Variants in RGS7BP observed in about 807,000 individuals in gnomAD.
RGS7BP encodes the protein regulator of G protein signaling 7-binding protein.
RGS7BP carries 9 observed loss-of-function variants against 31.3 expected under a neutral mutation model. The ratio of observed to expected loss-of-function variants is 0.29; its 90% CI spans 0.17 to 0.50. The LOEUF is 0.50. RGS7BP is among the 20% of genes least tolerant of loss of function. The pLI is 0.98. For missense variants in RGS7BP, 274 were observed against 322.0 expected (o/e 0.85, Z 1.14); for synonymous variants, 115 against 120.1 (o/e 0.96, Z 0.28).
intron 2 of RGS7BP, among the ~76,000 whole-genome samples, chr5:64,549,900 C>T (rs987971289): frequency 2.6e-5 from 4 of 152,194 alleles, no homozygotes; most frequent in African/African-American, 9.7e-5. Context: ...CAAGTCACTC[C>T]TTCAACACTT....
chr5:64,540,010 G>A (rs2111807393), intron 2 of RGS7BP, among the ~76,000 whole-genome samples: 1 of 152,120 alleles, frequency 6.6e-6, no homozygotes, highest in South Asian at 2.1e-4. Flanking sequence ...TAGTTTTAAT[G>A]AAGATTCTTT....
chr5:64,519,392 G>C (rs892528457), intron 2 of RGS7BP, among the ~76,000 whole-genome samples: 2 of 152,202 alleles, frequency 1.3e-5, no homozygotes, highest in Non-Finnish European at 2.9e-5. Flanking sequence ...TCTGTATAAA[G>C]ATAGACATTA....
intron 2 of RGS7BP, among the ~76,000 whole-genome samples, chr5:64,569,618 C>A (rs1164212392): frequency 6.6e-6 from 1 of 152,138 alleles, no homozygotes; most frequent in African/African-American, 2.4e-5. Flanking sequence ...CTGCCCCCAA[C>A]TATCCAATGA....
intron 2 of RGS7BP, among the ~76,000 whole-genome samples, chr5:64,515,638 C>T (rs932970969): frequency 7.9e-5 from 12 of 151,806 alleles, no homozygotes; most frequent in East Asian, 5.8e-4. Flanking sequence ...TGTTTATTTC[C>T]TTTGCTTTAC....
intron 2 of RGS7BP, among the ~76,000 whole-genome samples, chr5:64,508,698 A>C (rs1254150327): frequency 1.3e-5 from 2 of 152,184 alleles, no homozygotes; most frequent in Non-Finnish European, 2.9e-5. Flanking sequence ...TCAATACATT[A>C]ATTTAAGTGC....
At chr5:64,572,975 C>T (rs1207354975) in intron 2 of RGS7BP, among the ~76,000 whole-genome samples, 5 of 108,610 alleles carry the variant, frequency 4.6e-5, no homozygotes, top group Non-Finnish European at 9.2e-5. Flanking sequence ...CCCCTCCCCC[C>T]ACCCCACAAC....
Position 64,506,670 on chromosome 5 carries a change from A to T in RGS7BP, c.46A>T (p.Thr16Ser), listed in dbSNP as rs1748688071. The stretch of plus-strand genomic sequence containing the variant: ...GCGCAAAAAGCGCCCCAGCCGGTCC[A>T]CCCGCTCCTCGATCTTCCAGATCAG... ...NGRKKRPSRS[T>S]RSSIFQISKP... Residue 16 changes from threonine to serine, a missense_variant, in exon 1 of 6, where the codon ACC (threonine) becomes TCC (serine). By Grantham distance (58) the Thr-to-Ser change is moderately conservative (BLOSUM62 1). This residue lies in a region of RGS7BP where 149 missense variants were observed against 152.6 expected (regional missense o/e 0.98). Coordinates refer to ENST00000334025, the MANE Select transcript of RGS7BP (RefSeq NM_001029875.3). This position sits in a 1 kb window ranked among gnomAD's most constrained non-coding sequence, Gnocchi z 4.6. 1 of 1,612,616 alleles carries T rather than the reference A, an allele frequency of 6.2e-7. No homozygotes were observed. The highest frequency in any genetic ancestry group is 8.5e-7 in the Non-Finnish European group (1 of 1,179,032).
At chr5:64,594,083 T>C (rs1234759586) in intron 3 of RGS7BP, among the ~76,000 whole-genome samples, 2 of 152,210 alleles carry the variant, frequency 1.3e-5, no homozygotes, top group East Asian at 3.9e-4. Context: ...TGTGGACGGC[T>C]ACCTACTACA....
intron 2 of RGS7BP, among the ~76,000 whole-genome samples, chr5:64,533,097 T>C (rs1391949155): frequency 6.6e-6 from 1 of 152,220 alleles, no homozygotes; most frequent in Non-Finnish European, 1.5e-5. Flanking sequence ...TCTTCCCTCT[T>C]GCTATGGCCC....
chr5:64,606,189 T>A (rs1157391290), intron 5 of RGS7BP, among the ~76,000 whole-genome samples: 2 of 151,752 alleles, frequency 1.3e-5, no homozygotes, highest in Non-Finnish European at 2.9e-5. Flanking sequence ...TTTCATAATA[T>A]CTGTGTATAA....
intron 2 of RGS7BP, among the ~76,000 whole-genome samples, chr5:64,508,843 T>C (rs1748760924): frequency 6.6e-6 from 1 of 152,212 alleles, no homozygotes. Flanking sequence ...ATTTACCTAT[T>C]TGAAAGAATC....
intron 2 of RGS7BP, among the ~76,000 whole-genome samples, chr5:64,560,961 G>A (rs1011225836): frequency 3.3e-5 from 5 of 152,236 alleles, no homozygotes; most frequent in African/African-American, 9.6e-5. Flanking sequence ...TGTGTGTGCA[G>A]AAAAGAGCAC....
chr5:64,583,931 C>A (rs1306777706), intron 3 of RGS7BP, among the ~76,000 whole-genome samples: 4 of 152,190 alleles, frequency 2.6e-5, no homozygotes, highest in Non-Finnish European at 5.9e-5. Context: ...TTACTGTGTA[C>A]CTTCTACTTG....
At chr5:64,601,026 T>A (rs1012354484) in intron 5 of RGS7BP, among the ~76,000 whole-genome samples, 1 of 152,234 alleles carries the variant, frequency 6.6e-6, no homozygotes, top group Non-Finnish European at 1.5e-5. Flanking sequence ...GGTTTATTTA[T>A]TATACAGGTC....
intron 2 of RGS7BP, among the ~76,000 whole-genome samples, chr5:64,533,394 C>T (rs1242716116): frequency 1.3e-5 from 2 of 152,176 alleles, no homozygotes; most frequent in African/African-American, 4.8e-5. Flanking sequence ...CTTTGGAAAG[C>T]ATATTTCATG....
chr5:64,560,025 T>A (rs1742015991), intron 2 of RGS7BP, among the ~76,000 whole-genome samples: 1 of 152,192 alleles, frequency 6.6e-6, no homozygotes, highest in African/African-American at 2.4e-5. Flanking sequence ...ACCTGAATTC[T>A]AATCAGTCTA....
chr5:64,547,435 T>G (rs1371994528), intron 2 of RGS7BP, among the ~76,000 whole-genome samples: 1 of 152,210 alleles, frequency 6.6e-6, no homozygotes, highest in Non-Finnish European at 1.5e-5. Flanking sequence ...ATTTTGAAAT[T>G]CAGGTTTTCT....
intron 2 of RGS7BP, among the ~76,000 whole-genome samples, chr5:64,559,264 T>C (rs1741996201): frequency 1.3e-5 from 2 of 152,148 alleles, no homozygotes; most frequent in South Asian, 4.1e-4. Flanking sequence ...TTTCCCTTTA[T>C]TTCTCAGAGC....
intron 3 of RGS7BP, among the ~76,000 whole-genome samples, chr5:64,579,748 G>A (rs772853124): frequency 1.3e-5 from 2 of 151,690 alleles, no homozygotes; most frequent in Non-Finnish European, 2.9e-5. Flanking sequence ...TTTTGGGGAG[G>A]GGTGATTACA....
Sources: allele counts gnomAD v4.1 joint callset (sites outside exome capture counted in the v4.1 genomes callset), GRCh38; gene constraint gnomAD v4.1.1; regional missense constraint gnomAD v4.1.1; non-coding constraint Gnocchi (gnomAD v3.1); transcripts MANE v1.5; gene names NCBI Gene and HGNC (gene_info 2026-07-23, HGNC 2026-07-21).